Variants in TLDC2 observed in about 807,000 individuals in gnomAD.
TLDC2 encodes the protein TLD domain-containing protein 2.
A neutral mutation model predicts 27.9 loss-of-function variants in TLDC2; 23 were observed. The ratio of observed to expected loss-of-function variants is 0.82; its 90% CI spans 0.59 to 1.17. The LOEUF is 1.17. Among genes scored for constraint, TLDC2 ranks in the 50% most tolerant of loss-of-function variants. The probability of loss-of-function intolerance (pLI) is 0.00; values close to 1 mark genes in which losing one functional copy is unlikely to be tolerated. For missense variants in TLDC2, 286 were observed against 273.4 expected, an observed-to-expected ratio of 1.05 and a Z score of -0.32; for synonymous variants, 124 against 107.4, an observed-to-expected ratio of 1.16 and a Z score of -0.96.
At position 36,877,888 on chromosome 20, in the gene TLDC2, T is replaced by G. The variant is rs754473354; in HGVS notation, c.34-11T>G. 6.2e-7 allele frequency: 1 copy of G among 1,609,490 alleles called. No individual in the cohort carries two copies. Among genetic ancestry groups the G allele is most frequent in the South Asian group, 1.1e-5 (1 of 90,420 alleles). ...TCCCTGGACACACCAGGCCACTTTG[T>G]GTTTTTGCAGCCCAGCCAGGTGGAG... On this transcript the variant is annotated splice_polypyrimidine_tract_variant and intron_variant, in intron 1 of 6. Transcript: ENST00000217320.
rs1990152478 is a variant in TLDC2 at position 36,894,229 on chromosome 20, T to A, written c.*1385T>A. On this transcript the variant is annotated 3_prime_UTR_variant, in exon 7 of 7. Transcript: ENST00000217320. ...TGATAGAACTATTAAAAATAGTTTT[T>A]AAAAAATGTGTTATTATTTTTTTTT... is the stretch of plus-strand genomic sequence containing the variant. The A allele has an allele frequency of 3.4e-6, 1 of 293,776 alleles. No homozygotes were observed. The highest frequency in any genetic ancestry group is 6.1e-6 in the Non-Finnish European group (1 of 163,962). The allele number at this position is 293,776 out of a possible 1,614,324, so 18.2% of individuals were successfully genotyped here.
intron 1 of TLDC2, among the ~76,000 whole-genome samples, chr20:36,876,575 C>T (rs962022223): frequency 1.3e-5 from 2 of 152,154 alleles, no homozygotes; most frequent in Non-Finnish European, 2.9e-5. Context: ...GTCTCTTCTT[C>T]CTGGGAAAAG....
At chr20:36,892,213 C>T (rs935322376) in intron 6 of TLDC2, 11 of 153,238 alleles carry the variant, frequency 7.2e-5, no homozygotes, top group African/African-American at 2.4e-4. Flanking sequence ...TCAGGCCTCT[C>T]ACCAGCGTGT....
At chr20:36,887,371 C>T (rs1397542477) in intron 4 of TLDC2, 84 bp from the exon 5 acceptor site, 4 of 1,230,524 alleles carry the variant, frequency 3.3e-6, no homozygotes, top group Non-Finnish European at 4.8e-6. Context: ...CGCCACAACA[C>T]TGCCATCCAG....
intron 4 of TLDC2, among the ~76,000 whole-genome samples, chr20:36,884,244 C>T (rs1989873176): frequency 6.6e-6 from 1 of 152,190 alleles, no homozygotes; most frequent in Non-Finnish European, 1.5e-5. Flanking sequence ...CTCTGAATGG[C>T]ATTTCTTGCT....
At chr20:36,880,071 A>ATATATATATATATATATATATATG (rs1989770840) in intron 3 of TLDC2, among the ~76,000 whole-genome samples, 9 of 32,392 alleles carry the variant, frequency 2.8e-4, no homozygotes, top group Non-Finnish European at 4.1e-4. Context: ...ATATATATAC[A>ATATATATATATATATATATATATG]TATATATATA....
chr20:36,886,610 A>AT (rs1212507576), intron 4 of TLDC2, among the ~76,000 whole-genome samples: 1 of 151,620 alleles, frequency 6.6e-6, no homozygotes, highest in Non-Finnish European at 1.5e-5. Context: ...GAGAAAAAAA[A>AT]TTTTTTTTAG....
intron 4 of TLDC2, 51 bp from the exon 5 acceptor site, chr20:36,887,404 G>C (rs1206195214): frequency 3.9e-6 from 6 of 1,537,640 alleles, no homozygotes; most frequent in Non-Finnish European, 5.4e-6. Context: ...AAACTGCAAG[G>C]GCGGGACTCG....
At chr20:36,886,074 G>C (rs370608164) in intron 4 of TLDC2, among the ~76,000 whole-genome samples, 2 of 152,144 alleles carry the variant, frequency 1.3e-5, no homozygotes, top group East Asian at 3.9e-4. Context: ...GGGGGAGAAG[G>C]GGCCAGAGAG....
Position 36,879,885 on chromosome 20 carries a change from G to GAAA in TLDC2, c.342+703_342+705dup, listed in dbSNP as rs71186023. On this transcript the variant is annotated intron_variant, in intron 3 of 6. Transcript: ENST00000217320. Reference sequence around the variant, plus strand: ...TGGGTGACAGAGTGAAACCCTGTCTGAAAAAAAAAAAAATAGAGATGTACA... The same window carrying GAAA: ...TGGGTGACAGAGTGAAACCCTGTCTGAAAAAAAAAAAAAAAATAGAGATGTACA... Among the ~76,000 whole-genome samples the GAAA allele has an allele frequency of 7.5e-3, 1,019 of 135,052 alleles. 9 individuals are homozygous for GAAA. The highest frequency in any genetic ancestry group is 0.021 in the African/African-American group (756 of 36,348). 88.6% of individuals were successfully genotyped at this position (135,052 alleles called of 152,430 possible).
intron 4 of TLDC2, among the ~76,000 whole-genome samples, chr20:36,885,156 C>G (rs6129995): frequency 0.078 from 11,899 of 152,156 alleles, 512 homozygotes; most frequent in Non-Finnish European, 0.086. Context: ...GGATTACAGG[C>G]GTGAGCCACC....
intron 2 of TLDC2, among the ~76,000 whole-genome samples, chr20:36,878,364 T>G (rs992647062): frequency 1.3e-5 from 2 of 152,138 alleles, no homozygotes; most frequent in Non-Finnish European, 2.9e-5. Context: ...GGGGATCGCT[T>G]GAGGCCAGGA....
intron 1 of TLDC2, among the ~76,000 whole-genome samples, chr20:36,876,873 A>C (rs994995702): frequency 6.6e-6 from 1 of 152,086 alleles, no homozygotes; most frequent in Non-Finnish European, 1.5e-5. Flanking sequence ...AACTCACACA[A>C]ACACATTGAT....
intron 5 of TLDC2, among the ~76,000 whole-genome samples, chr20:36,888,674 C>G (rs1214927274): frequency 9.9e-5 from 13 of 131,828 alleles, no homozygotes; most frequent in African/African-American, 3.7e-4. Flanking sequence ...CCATTGCACT[C>G]CAGGCTGGGC....
At chr20:36,878,093 A>T (rs1425398404) in intron 2 of TLDC2, 39 bp downstream of exon 2, 5 of 1,586,240 alleles carry the variant, frequency 3.2e-6, no homozygotes, top group Non-Finnish European at 2.6e-6. Context: ...TTCAGCCCTA[A>T]ACCTAAGAGT....
chr20:36,887,391 G>A lies in TLDC2; in HGVS notation c.439-64G>A, dbSNP rs1476035500. On this transcript the variant is annotated intron_variant, in intron 4 of 6. Transcript: ENST00000217320. Reference sequence around the variant, plus strand: ...CAACACTGCCATCCAGTGGTTCGGGGTCAAACTGCAAGGGCGGGACTCGCT... The same window carrying A: ...CAACACTGCCATCCAGTGGTTCGGGATCAAACTGCAAGGGCGGGACTCGCT... The A allele has an allele frequency of 3.4e-6, 5 of 1,468,912 alleles. No homozygotes were observed. In the African/African-American group the frequency reaches 6.9e-5, roughly 20 times the overall value. 91.0% of individuals were successfully genotyped at this position (1,468,912 alleles called of 1,614,324 possible).
At chr20:36,886,004 G>A (rs1989912742) in intron 4 of TLDC2, among the ~76,000 whole-genome samples, 1 of 152,194 alleles carries the variant, frequency 6.6e-6, no homozygotes, top group Non-Finnish European at 1.5e-5. Flanking sequence ...TCTAGGTCAG[G>A]AATGGGCTTT....
rs1051223670 is a variant in TLDC2 at position 36,893,011 on chromosome 20, C to T, written c.*167C>T. ...GCGAGTTGGATTTTGGACTGAAGTA[C>T]TGTCGTTCCATTCCTTTTTTTGAGG... On this transcript the variant is annotated 3_prime_UTR_variant, in exon 7 of 7. Coordinates refer to ENST00000217320, the MANE Select transcript of TLDC2 (RefSeq NM_080628.3). The T allele has an allele frequency of 6.2e-7, 1 of 1,613,978 alleles. No individual in the cohort carries two copies. Among genetic ancestry groups the T allele is most frequent in the Non-Finnish European group, 8.5e-7 (1 of 1,180,000 alleles).
At chr20:36,878,870 C>T (rs186322353) in intron 2 of TLDC2, among the ~76,000 whole-genome samples, 171 bp from the exon 3 acceptor site, 2 of 152,256 alleles carry the variant, frequency 1.3e-5, no homozygotes, top group Admixed American at 1.3e-4. Context: ...AATAACAACC[C>T]CTATCTCCGA....
Sources: allele counts gnomAD v4.1 joint callset (sites outside exome capture counted in the v4.1 genomes callset), GRCh38; gene constraint gnomAD v4.1.1; transcripts MANE v1.5; gene names NCBI Gene and HGNC (gene_info 2026-07-23, HGNC 2026-07-21).